Variants in DCLK2 observed in about 807,000 individuals in gnomAD.
DCLK2 encodes the protein serine/threonine-protein kinase DCLK2.
A neutral mutation model predicts 78.4 loss-of-function variants in DCLK2; 31 were observed. The ratio of observed to expected loss-of-function variants is 0.40; its 90% CI spans 0.30 to 0.53. The LOEUF (loss-of-function observed/expected upper bound fraction) is 0.53, where lower values mean the gene tolerates loss of function less well. DCLK2 is among the 20% of genes least tolerant of loss of function. DCLK2 has a pLI of 0.61. For missense variants in DCLK2, 872 were observed against 973.7 expected (o/e 0.90, Z 1.39); for synonymous variants, 407 against 374.9 (o/e 1.09, Z -0.99).
chr4:150,114,714 C>G (rs913033619), intron 2 of DCLK2, among the ~76,000 whole-genome samples: 7 of 152,104 alleles, frequency 4.6e-5, no homozygotes, highest in African/African-American at 1.7e-4. Flanking sequence ...AAAATAAGAC[C>G]CCACTCCCTT....
chr4:150,123,086 T>C (rs1467259328), intron 2 of DCLK2, among the ~76,000 whole-genome samples: 1 of 152,260 alleles, frequency 6.6e-6, no homozygotes, highest in Non-Finnish European at 1.5e-5. Flanking sequence ...ATCAGCAATA[T>C]GCCTTTTAAT....
chr4:150,125,637 C>T (rs551640799), intron 2 of DCLK2, among the ~76,000 whole-genome samples: 85 of 152,184 alleles, frequency 5.6e-4, no homozygotes, highest in African/African-American at 1.9e-3. Context: ...CTCTTGTAGT[C>T]CGAGCACTCT....
intron 8 of DCLK2, among the ~76,000 whole-genome samples, chr4:150,230,801 T>C (rs937846728): frequency 7.9e-5 from 12 of 152,170 alleles, no homozygotes; most frequent in African/African-American, 2.9e-4. Context: ...CAGATGGGCT[T>C]GGAGACAGAT....
intron 2 of DCLK2, among the ~76,000 whole-genome samples, chr4:150,105,254 T>G (rs1330083211): frequency 6.6e-6 from 1 of 152,120 alleles, no homozygotes; most frequent in Non-Finnish European, 1.5e-5. Context: ...AACATAAAAA[T>G]GAAAGATTTC....
intron 2 of DCLK2, among the ~76,000 whole-genome samples, chr4:150,162,892 A>T (rs73860928): frequency 0.021 from 3,178 of 152,318 alleles, 95 homozygotes; most frequent in African/African-American, 0.073. Context: ...CATTTGACAG[A>T]TCTTCTCTTT....
chr4:150,210,121 T>C (rs138260958), intron 5 of DCLK2, among the ~76,000 whole-genome samples: 229 of 152,260 alleles, frequency 1.5e-3, no homozygotes, highest in African/African-American at 5.2e-3. Flanking sequence ...GTGCCTGGGT[T>C]TGATCTTGGC....
chr4:150,253,056 G>A (rs1308987058), intron 15 of DCLK2, among the ~76,000 whole-genome samples: 4 of 152,002 alleles, frequency 2.6e-5, no homozygotes, highest in African/African-American at 2.4e-5. Flanking sequence ...GGGAACTTGC[G>A]ATGCTGCTGT....
At chr4:150,097,203 G>A (rs11728756) in intron 1 of DCLK2, among the ~76,000 whole-genome samples, 56,112 of 144,152 alleles carry the variant, frequency 0.39, 10,855 homozygotes, top group Non-Finnish European at 0.42. Flanking sequence ...ACAGAGTCCC[G>A]CCCACTCTGT....
intron 12 of DCLK2, among the ~76,000 whole-genome samples, chr4:150,246,818 G>A (rs1317972804): frequency 4.6e-5 from 7 of 152,146 alleles, no homozygotes; most frequent in African/African-American, 1.4e-4. Flanking sequence ...GTGCACCTCC[G>A]AGGGTGGGTC....
intron 15 of DCLK2, among the ~76,000 whole-genome samples, chr4:150,255,305 A>G (rs888388318): frequency 6.6e-6 from 1 of 152,222 alleles, no homozygotes; most frequent in Admixed American, 6.5e-5. Context: ...TCCCTGGACA[A>G]GCAGGAAATA....
chr4:150,102,882 C>A, intron 2 of DCLK2, 70 bp downstream of exon 2: 1 of 1,394,000 alleles, frequency 7.2e-7, no homozygotes, highest in Non-Finnish European at 9.6e-7. Context: ...GCTACATAGT[C>A]AACAATAGAA....
At chr4:150,164,863 T>C (rs1477207222) in intron 2 of DCLK2, among the ~76,000 whole-genome samples, 1 of 152,198 alleles carries the variant, frequency 6.6e-6, no homozygotes, top group African/African-American at 2.4e-5. Flanking sequence ...TCTCCTGGAG[T>C]ACTAAAAATT....
At chr4:150,146,519 C>G (rs1734483474) in intron 2 of DCLK2, among the ~76,000 whole-genome samples, 2 of 151,584 alleles carry the variant, frequency 1.3e-5, no homozygotes, top group Admixed American at 1.3e-4. Context: ...AACTAGTTGC[C>G]TAGCACTGTA....
At chr4:150,217,719 TTC>T (rs1243087801) in intron 5 of DCLK2, among the ~76,000 whole-genome samples, 4 of 152,200 alleles carry the variant, frequency 2.6e-5, no homozygotes, top group African/African-American at 9.7e-5. Context: ...CTAATTATGT[TTC>T]TCTGTTCAGC....
chr4:150,143,215 G>T (rs560144748), intron 2 of DCLK2, among the ~76,000 whole-genome samples: 1 of 152,042 alleles, frequency 6.6e-6, no homozygotes, highest in East Asian at 1.9e-4. Context: ...TCCATAGTGT[G>T]CGTATTCAAT....
chr4:150,185,714 A>G (rs1580672590), intron 2 of DCLK2, among the ~76,000 whole-genome samples: 1 of 1,782 alleles, frequency 5.6e-4, no homozygotes, highest in Non-Finnish European at 2.0e-3. Context: ...ATTTCATCTC[A>G]AAAAAAAAAA....
At chr4:150,225,202 C>T (rs945088313) in intron 8 of DCLK2, among the ~76,000 whole-genome samples, 3 of 152,272 alleles carry the variant, frequency 2.0e-5, no homozygotes, top group Non-Finnish European at 2.9e-5. Context: ...GCCGTTTGCC[C>T]GTAAGGGAGA....
At chr4:150,202,113 G>A (rs971578372) in intron 4 of DCLK2, among the ~76,000 whole-genome samples, 1 of 152,048 alleles carries the variant, frequency 6.6e-6, no homozygotes, top group Non-Finnish European at 1.5e-5. Context: ...TTTGTTTTCT[G>A]GGTTTGGACA....
chr4:150,080,795 A>C (rs1303325748), intron 1 of DCLK2, among the ~76,000 whole-genome samples: 1 of 152,200 alleles, frequency 6.6e-6, no homozygotes, highest in Non-Finnish European at 1.5e-5. Flanking sequence ...ATTTAGTCAG[A>C]AGTTTTTGCT....
Sources: gnomAD v4.1 joint callset for allele counts (sites outside exome capture counted in the v4.1 genomes callset) on GRCh38, gnomAD v4.1.1 for gene constraint, MANE v1.5 for transcripts, NCBI Gene and HGNC (gene_info 2026-07-23, HGNC 2026-07-21) for gene names.